FSTL4: variants seen among roughly 807,000 people sequenced by gnomAD.
FSTL4 encodes the protein follistatin like 4, also known as follistatin-related protein 4.
FSTL4 carries 28 observed loss-of-function variants against 78.2 expected under a neutral mutation model. The observed-to-expected ratio is 0.36, with a 90% CI of 0.27 to 0.49. The LOEUF (loss-of-function observed/expected upper bound fraction) is 0.49, where lower values mean the gene tolerates loss of function less well. Among genes scored for constraint, FSTL4 ranks in the 20% least tolerant of loss-of-function variants. The pLI, the probability that FSTL4 is intolerant of heterozygous loss-of-function variation, is 0.98. For synonymous variants in FSTL4, 422 were observed against 440.5 expected, an observed-to-expected ratio of 0.96 and a Z score of 0.53; for missense variants, 922 against 1,084.9, an observed-to-expected ratio of 0.85 and a Z score of 2.11.
the FSTL4 span, among the ~76,000 whole-genome samples, chr5:133,821,520 C>A: frequency 4.6e-5 from 7 of 152,224 alleles, no homozygotes; most frequent in African/African-American, 7.2e-5. Context: ...CTGATTGGGA[C>A]AATAAGTAAC....
the FSTL4 span, among the ~76,000 whole-genome samples, chr5:133,632,592 T>G: frequency 6.6e-6 from 1 of 152,222 alleles, no homozygotes; most frequent in South Asian, 2.1e-4. Context: ...AGATGTGGGA[T>G]TCTGGGTTGA....
At position 133,503,753 on chromosome 5, in the gene FSTL4, C is replaced by G. The variant is rs537086803; in HGVS notation, c.160+63433G>C. 6.6e-5 allele frequency among the ~76,000 whole-genome samples: 10 copies of G among 152,342 alleles called. No homozygotes were observed. In the East Asian group the frequency reaches 1.9e-3, roughly 29 times the overall value. Reference sequence around the variant, plus strand: ...CAACATAGCCAACAGCCTATGTGCTCTCTCCTCTCCCATTGGCACATCTAA... The same window carrying G: ...CAACATAGCCAACAGCCTATGTGCTGTCTCCTCTCCCATTGGCACATCTAA... On this transcript the variant is annotated intron_variant, in intron 3 of 15. Coordinates refer to ENST00000265342, the MANE Select transcript of FSTL4 (RefSeq NM_015082.2).
chr5:133,301,140 C>T (rs1225944123), intron 6 of FSTL4, among the ~76,000 whole-genome samples: 1 of 152,226 alleles, frequency 6.6e-6, no homozygotes, highest in Non-Finnish European at 1.5e-5. Context: ...GTCTGTCTCA[C>T]TGAGCCCACC....
At chr5:133,551,848 G>A (rs573148713) in intron 3 of FSTL4, among the ~76,000 whole-genome samples, 103 of 152,212 alleles carry the variant, frequency 6.8e-4, no homozygotes, top group African/African-American at 2.3e-3. Flanking sequence ...CAATATACGC[G>A]GAATGTCTTA....
At chr5:133,319,102 G>A (rs1753982733) in intron 4 of FSTL4, among the ~76,000 whole-genome samples, 1 of 152,230 alleles carries the variant, frequency 6.6e-6, no homozygotes. Flanking sequence ...GTGGGGTGCT[G>A]CAGCATCCTC....
the FSTL4 span, among the ~76,000 whole-genome samples, chr5:133,819,054 G>A: frequency 8.6e-5 from 12 of 138,942 alleles, no homozygotes; most frequent in South Asian, 2.3e-4. Context: ...CATGCCCACC[G>A]CCCACACACA....
In FSTL4 at chr5:133,199,812, A is replaced by G; in HGVS notation, c.1827-15T>C. The stretch of plus-strand genomic sequence containing the variant: ...TGAAGCCAAACCTGGGAGGGGAAGA[A>G]CTGAGGTCAGAAGTTGCCTCCAGGG... On this transcript the variant is annotated splice_polypyrimidine_tract_variant and intron_variant, in intron 15 of 15. Coordinates refer to ENST00000265342, the MANE Select transcript of FSTL4 (RefSeq NM_015082.2). The surrounding 1 kb of genome is among the most constrained non-coding windows in gnomAD (Gnocchi z 4.4). 1 of 1,473,698 alleles carries G rather than the reference A, an allele frequency of 6.8e-7. No individual in the cohort carries two copies. The highest frequency in any genetic ancestry group is 9.2e-7 in the Non-Finnish European group (1 of 1,081,654). The allele number at this position is 1,473,698 out of a possible 1,614,324, so 91.3% of individuals were successfully genotyped here. A position where few individuals can be genotyped will look rare whatever the true frequency, so the allele number is the denominator to read the frequency against.
chr5:133,439,758 A>C (rs1757111582), intron 3 of FSTL4, among the ~76,000 whole-genome samples: 1 of 152,224 alleles, frequency 6.6e-6, no homozygotes, highest in Non-Finnish European at 1.5e-5. Context: ...TGCAGGCTCC[A>C]GATGCACATG....
chr5:133,458,775 T>G (rs1197133354), intron 3 of FSTL4, among the ~76,000 whole-genome samples: 1 of 151,892 alleles, frequency 6.6e-6, no homozygotes, highest in African/African-American at 2.4e-5. Context: ...AAACACAAGG[T>G]GGGAGAGGAG....
chr5:133,307,189 A>T (rs1334777451), intron 6 of FSTL4, among the ~76,000 whole-genome samples: 6 of 152,126 alleles, frequency 3.9e-5, no homozygotes, highest in Admixed American at 3.3e-4. Flanking sequence ...ACTCTTAATA[A>T]TCAGGCCACA....
At chr5:133,519,146 G>A (rs1429333028) in intron 3 of FSTL4, among the ~76,000 whole-genome samples, 1 of 152,210 alleles carries the variant, frequency 6.6e-6, no homozygotes, top group South Asian at 2.1e-4. Flanking sequence ...TCCTGCCTCT[G>A]ACCCTTAACA....
intron 2 of FSTL4, among the ~76,000 whole-genome samples, chr5:133,591,839 A>T (rs1374662826): frequency 6.6e-6 from 1 of 152,080 alleles, no homozygotes; most frequent in Non-Finnish European, 1.5e-5. Flanking sequence ...CAATGCCTCT[A>T]AGCCTGAGCC....
At chr5:133,237,011 C>T (rs1049714853) in intron 7 of FSTL4, among the ~76,000 whole-genome samples, 1 of 152,152 alleles carries the variant, frequency 6.6e-6, no homozygotes, top group African/African-American at 2.4e-5. Context: ...AAATAGCTGT[C>T]GAGGGGACTG....
Position 133,220,799 on chromosome 5 carries a change from G to A in FSTL4, c.1407C>T (p.Asp469=), listed in dbSNP as rs760523813. 1.2e-6 allele frequency: 2 copies of A among 1,612,212 alleles called. No individual in the cohort carries two copies. Among genetic ancestry groups the A allele is most frequent in the Non-Finnish European group, 1.7e-6 (2 of 1,178,188 alleles). Reference sequence around the variant, plus strand: ...GTTTGAGGTGCCTCTGGATCTCACAGTCCACAGGATGGATGACGATGATAC... The same window carrying A: ...GTTTGAGGTGCCTCTGGATCTCACAATCCACAGGATGGATGACGATGATAC... The part of the protein sequence containing the change: ...DDGIIVIHPV[D]CEIQRHLKPT... The change falls in exon 12 of 16, where the codon GAC becomes GAT. Residue 469 remains aspartate, a synonymous_variant. Transcript: ENST00000265342.
intron 3 of FSTL4, among the ~76,000 whole-genome samples, chr5:133,435,352 A>G (rs111254450): frequency 6.6e-6 from 1 of 152,254 alleles, no homozygotes; most frequent in African/African-American, 2.4e-5. Context: ...TGTAGCATGC[A>G]CAGTAGCACC....
the FSTL4 span, among the ~76,000 whole-genome samples, chr5:133,699,221 A>C: frequency 6.6e-6 from 1 of 152,166 alleles, no homozygotes; most frequent in East Asian, 1.9e-4. Context: ...ACCAGTGTCC[A>C]CACAGGGCCT....
chr5:133,284,704 AC>A (rs1252555835), intron 6 of FSTL4, among the ~76,000 whole-genome samples: 1 of 152,120 alleles, frequency 6.6e-6, no homozygotes, highest in African/African-American at 2.4e-5. Flanking sequence ...ATTTGGATGA[AC>A]CCCCACAGGC....
At chr5:133,677,709 G>A in the FSTL4 span, among the ~76,000 whole-genome samples, 110 of 152,312 alleles carry the variant, frequency 7.2e-4, no homozygotes, top group South Asian at 1.2e-3. Context: ...GGAATCTGCC[G>A]TTAATAACTC....
At chr5:133,474,387 AG>A (rs1338818370) in intron 3 of FSTL4, among the ~76,000 whole-genome samples, 15 of 152,184 alleles carry the variant, frequency 9.9e-5, no homozygotes, top group Admixed American at 9.2e-4. Context: ...CCCGGAACAC[AG>A]GTTCAGGCTG....
Sources: gnomAD v4.1 joint callset for allele counts (sites outside exome capture counted in the v4.1 genomes callset) on GRCh38, gnomAD v4.1.1 for gene constraint, Gnocchi (gnomAD v3.1) non-coding constraint, MANE v1.5 for transcripts, NCBI Gene and HGNC (gene_info 2026-07-23, HGNC 2026-07-21) for gene names.